Variants in THSD7B observed in about 807,000 individuals in gnomAD.
THSD7B encodes thrombospondin type-1 domain-containing protein 7B.
THSD7B carries 138 observed loss-of-function variants against 213.6 expected under a neutral mutation model. The ratio of observed to expected loss-of-function variants is 0.65; its 90% CI spans 0.56 to 0.74. The LOEUF (loss-of-function observed/expected upper bound fraction) is 0.74. Ranked by LOEUF, THSD7B falls within the 30% of genes least tolerant of loss-of-function variation. The probability of loss-of-function intolerance (pLI) is 0.00; values close to 1 mark genes in which losing one functional copy is unlikely to be tolerated. For missense variants in THSD7B, 1,931 were observed against 1,991.5 expected, an observed-to-expected ratio of 0.97 and a Z score of 0.58; for synonymous variants, 742 against 687.0, an observed-to-expected ratio of 1.08 and a Z score of -1.25.
Position 137,507,981 on chromosome 2 carries a change from G to C in THSD7B, c.3139-55240G>C, listed in dbSNP as rs1412865584. On this transcript the variant is annotated intron_variant, in intron 15 of 27. Transcript: ENST00000409968. ...CATGAGCAAGTTACTTAACATATTT[G>C]TATAATAGTTTCCTCATCTTAAAAA... Among the ~76,000 whole-genome samples the C allele has an allele frequency of 2.0e-5, 3 of 151,878 alleles. No individual in the cohort carries two copies. The East Asian group carries it at 5.8e-4, about 30-fold the overall frequency.
chr2:136,968,484 A>G (rs998955171), intron 2 of THSD7B, among the ~76,000 whole-genome samples: 3 of 152,018 alleles, frequency 2.0e-5, no homozygotes, highest in Non-Finnish European at 2.9e-5. Flanking sequence ...TTATAGATTT[A>G]TAGTGATCTT....
intron 10 of THSD7B, 82 bp from the exon 11 acceptor site, chr2:137,272,451 C>CT (rs1256889764): frequency 5.2e-5 from 72 of 1,385,312 alleles, no homozygotes; most frequent in South Asian, 2.3e-4. Context: ...ATCTCTCTCT[C>CT]TTTTTTTTCA....
intron 2 of THSD7B, among the ~76,000 whole-genome samples, chr2:136,953,697 C>G (rs994386786): frequency 3.9e-5 from 6 of 152,164 alleles, no homozygotes; most frequent in Admixed American, 2.0e-4. Flanking sequence ...ATAAAATAAT[C>G]TTATCAATCT....
chr2:137,115,091 T>A (rs1339480117), intron 4 of THSD7B, 33 bp from the exon 5 acceptor site: 2 of 1,613,342 alleles, frequency 1.2e-6, no homozygotes, highest in South Asian at 2.2e-5. Context: ...TTCTTACTTC[T>A]TCTTCTTCTT....
chr2:137,281,390 G>T (rs1389357023), intron 12 of THSD7B, among the ~76,000 whole-genome samples: 4 of 151,622 alleles, frequency 2.6e-5, no homozygotes, highest in African/African-American at 4.8e-5. Flanking sequence ...ATGATAATGT[G>T]ACTTTATTTT....
At chr2:136,902,106 G>T (rs562834292) in intron 2 of THSD7B, among the ~76,000 whole-genome samples, 6 of 151,580 alleles carry the variant, frequency 4.0e-5, no homozygotes, top group Non-Finnish European at 8.8e-5. Context: ...TCAGATGCTT[G>T]AATTTAATGG....
intron 12 of THSD7B, among the ~76,000 whole-genome samples, chr2:137,345,454 A>G (rs1684856229): frequency 6.6e-6 from 1 of 151,766 alleles, no homozygotes; most frequent in Non-Finnish European, 1.5e-5. Flanking sequence ...ACAAAAACAT[A>G]TGATGCTTTC....
intron 1 of THSD7B, among the ~76,000 whole-genome samples, chr2:136,771,796 C>G (rs553090968): frequency 2.6e-4 from 39 of 152,234 alleles, no homozygotes; most frequent in Admixed American, 1.8e-3. Context: ...CCACTCTCTA[C>G]TGAGAATTCT....
intron 2 of THSD7B, among the ~76,000 whole-genome samples, chr2:136,986,614 A>G (rs1467122174): frequency 2.0e-5 from 3 of 152,238 alleles, no homozygotes; most frequent in Admixed American, 6.5e-5. Flanking sequence ...AAGGAAGCAA[A>G]TAACAAGCTT....
At chr2:137,577,362 GT>G in intron 17 of THSD7B, among the ~76,000 whole-genome samples, 1 of 152,144 alleles carries the variant, frequency 6.6e-6, no homozygotes, top group Admixed American at 6.5e-5. Context: ...GGCTCCTCAA[GT>G]TTTTGATATT....
At chr2:137,047,731 T>C (rs1197751761) in intron 2 of THSD7B, among the ~76,000 whole-genome samples, 1 of 152,152 alleles carries the variant, frequency 6.6e-6, no homozygotes, top group Non-Finnish European at 1.5e-5. Context: ...CCAGGCTTGG[T>C]CTGTCTCAAG....
At chr2:137,242,727 T>A (rs1392294987) in intron 10 of THSD7B, among the ~76,000 whole-genome samples, 155 bp downstream of exon 10, 2 of 152,150 alleles carry the variant, frequency 1.3e-5, no homozygotes. Flanking sequence ...AAATGAAGTC[T>A]TGTATTTCCA....
intron 7 of THSD7B, among the ~76,000 whole-genome samples, chr2:137,176,810 T>A (rs1336153293): frequency 1.3e-5 from 2 of 152,220 alleles, no homozygotes; most frequent in Non-Finnish European, 2.9e-5. Context: ...GAGGTGTATG[T>A]TTGAAGCTGT....
chr2:137,282,063 CTGT>C (rs374454250), intron 12 of THSD7B, among the ~76,000 whole-genome samples: 4,048 of 152,102 alleles, frequency 0.027, 101 homozygotes, highest in Middle Eastern at 0.095. Flanking sequence ...TCTCCAGCAC[CTGT>C]TGTTTCCTGA....
At chr2:137,672,697 C>T (rs1416074811) in intron 27 of THSD7B, among the ~76,000 whole-genome samples, 1 of 152,146 alleles carries the variant, frequency 6.6e-6, no homozygotes, top group African/African-American at 2.4e-5. Flanking sequence ...GACAAGAGAA[C>T]TGCTATAATA....
At chr2:137,229,992 T>C (rs890240313) in intron 7 of THSD7B, among the ~76,000 whole-genome samples, 3 of 152,192 alleles carry the variant, frequency 2.0e-5, no homozygotes, top group Non-Finnish European at 4.4e-5. Flanking sequence ...GCCTCTCTCC[T>C]ATAGTTGCCA....
At chr2:136,768,339 G>T (rs1315307492) in intron 1 of THSD7B, among the ~76,000 whole-genome samples, 1 of 152,182 alleles carries the variant, frequency 6.6e-6, no homozygotes, top group Non-Finnish European at 1.5e-5. Flanking sequence ...TCTAAAGCAT[G>T]TCAACTCACT....
Position 137,203,649 on chromosome 2 carries a change from A to C in THSD7B, c.1724-27395A>C, listed in dbSNP as rs529377368. On this transcript the variant is annotated intron_variant, in intron 7 of 27. Coordinates refer to ENST00000409968, the MANE Select transcript of THSD7B (RefSeq NM_001316349.2). ...AGCTATAAGGTTTGCTAACATGCTT[A>C]AGAACTGAGATAGTTATAGTGACAT... is the stretch of plus-strand genomic sequence containing the variant. 2.0e-5 allele frequency among the ~76,000 whole-genome samples: 3 copies of C among 152,198 alleles called. No individual in the cohort carries two copies. In the South Asian group the frequency reaches 6.2e-4, roughly 31 times the overall value.
chr2:137,656,124 C>G (rs923715844), intron 22 of THSD7B, among the ~76,000 whole-genome samples: 5 of 151,992 alleles, frequency 3.3e-5, no homozygotes, highest in African/African-American at 1.2e-4. Flanking sequence ...ATGTGAAGTT[C>G]TATATAAATT....
Sources: gnomAD v4.1 joint callset for allele counts (sites outside exome capture counted in the v4.1 genomes callset) on GRCh38, gnomAD v4.1.1 for gene constraint, MANE v1.5 for transcripts, NCBI Gene and HGNC (gene_info 2026-07-23, HGNC 2026-07-21) for gene names.